LRRTM4: variants seen among roughly 807,000 people sequenced by gnomAD.
The protein encoded by LRRTM4 is leucine rich repeat transmembrane neuronal 4, also known as leucine-rich repeat transmembrane neuronal protein 4.
LRRTM4 carries 25 observed loss-of-function variants against 47.6 expected under a neutral mutation model. That is an observed-to-expected ratio of 0.53 (90% CI 0.38 to 0.73). The LOEUF is 0.73. LRRTM4 is among the 30% of genes least tolerant of loss of function. The probability of loss-of-function intolerance (pLI) is 0.00; values close to 1 mark genes in which losing one functional copy is unlikely to be tolerated. For synonymous variants in LRRTM4, 311 were observed against 269.5 expected, an observed-to-expected ratio of 1.15 and a Z score of -1.51; for missense variants, 638 against 713.4, an observed-to-expected ratio of 0.89 and a Z score of 1.20.
At chr2:77,369,733 T>A (rs1300025296) in intron 3 of LRRTM4, among the ~76,000 whole-genome samples, 1 of 151,782 alleles carries the variant, frequency 6.6e-6, no homozygotes, top group Admixed American at 6.6e-5. Context: ...TAGAGCCTAC[T>A]ACCCACCTAG....
In LRRTM4 at chr2:76,750,402, C is replaced by T. The variant is rs77408066; in HGVS notation, c.1552-1486G>A. On this transcript the variant is annotated intron_variant, in intron 3 of 3. Transcript: ENST00000409884. ...TGTAGGGGTGGTAGCTACTTCCTAA[C>T]ATTGCTGTTTCTGTGATACCACAGC... 6.8e-4 allele frequency among the ~76,000 whole-genome samples: 103 copies of T among 152,350 alleles called. No individual in the cohort carries two copies. In the East Asian group the frequency reaches 0.017, roughly 26 times the overall value.
At chr2:76,889,972 A>T (rs1350968266) in intron 3 of LRRTM4, among the ~76,000 whole-genome samples, 3 of 151,988 alleles carry the variant, frequency 2.0e-5, no homozygotes, top group Admixed American at 1.3e-4. Context: ...TTGTAGATGT[A>T]TGAGTGCAGT....
chr2:76,819,114 T>G (rs1415752866), intron 3 of LRRTM4, among the ~76,000 whole-genome samples: 4 of 151,692 alleles, frequency 2.6e-5, no homozygotes, highest in African/African-American at 9.7e-5. Context: ...TTGATTAAAA[T>G]AAAATAACTA....
rs775079691 is a variant in LRRTM4 at position 77,518,451 on chromosome 2, G to T, written c.1418C>A (p.Ser473Tyr). The T allele has an allele frequency of 1.9e-6, 3 of 1,613,308 alleles. No individual in the cohort carries two copies. Among genetic ancestry groups the T allele is most frequent in the Non-Finnish European group, 2.5e-6 (3 of 1,179,584 alleles). Residue 473 changes from serine to tyrosine, a missense_variant, in exon 3 of 4, where the codon TCT (serine) becomes TAT (tyrosine). Physicochemically the swap from Ser to Tyr is moderately radical, Grantham distance 144 (BLOSUM62 -2). Transcript: ENST00000409884. ...TAAAGGGGAATTCATTTGTCTTTCA[G>T]ACTCTCTGGCCTTTTTCCGCCGCCT... The part of the protein sequence containing the change: ...MKRRRKKARE[S>Y]ERQMNSPLQE...
At chr2:77,261,414 T>C (rs576871220) in intron 3 of LRRTM4, among the ~76,000 whole-genome samples, 16 of 152,216 alleles carry the variant, frequency 1.1e-4, no homozygotes, top group African/African-American at 3.6e-4. Context: ...CCATGATATC[T>C]TTTCTCATCC....
intron 3 of LRRTM4, among the ~76,000 whole-genome samples, chr2:77,319,128 T>C (rs2104220513): frequency 6.6e-6 from 1 of 152,276 alleles, no homozygotes; most frequent in African/African-American, 2.4e-5. Flanking sequence ...CTCATGCCTG[T>C]AAACCTGGCA....
At position 77,271,645 on chromosome 2, in the gene LRRTM4, G is replaced by T. The variant is rs537711828; in HGVS notation, c.1551+246673C>A. On this transcript the variant is annotated intron_variant, in intron 3 of 3. Transcript: ENST00000409884. ...CTACACCATATCATAGCTTCCTAAAGGGTCTTTCTGACTTCTGCTGTTCCC... is the reference window on the plus strand; with the variant it reads ...CTACACCATATCATAGCTTCCTAAATGGTCTTTCTGACTTCTGCTGTTCCC... Among the ~76,000 whole-genome samples the T allele has an allele frequency of 2.4e-4, 37 of 152,310 alleles. No individual in the cohort carries two copies. In the Middle Eastern group the frequency reaches 0.024, roughly 98 times the overall value.
intron 3 of LRRTM4, among the ~76,000 whole-genome samples, chr2:77,291,767 C>T (rs778887723): frequency 8.6e-5 from 13 of 151,932 alleles, no homozygotes; most frequent in Non-Finnish European, 1.9e-4. Flanking sequence ...AAAATTATGT[C>T]CCATTTGATT....
chr2:76,975,001 TTAGC>T (rs1676369766), intron 3 of LRRTM4, among the ~76,000 whole-genome samples: 1 of 151,752 alleles, frequency 6.6e-6, no homozygotes, highest in African/African-American at 2.4e-5. Context: ...TGGAGAGTGA[TTAGC>T]TATCTATAAA....
At chr2:77,161,585 T>C (rs1672729972) in intron 3 of LRRTM4, among the ~76,000 whole-genome samples, 1 of 152,076 alleles carries the variant, frequency 6.6e-6, no homozygotes, top group South Asian at 2.1e-4. Flanking sequence ...GTTCTAGGCA[T>C]TTTGTCTGTG....
At chr2:77,069,929 A>G (rs111918440) in intron 3 of LRRTM4, among the ~76,000 whole-genome samples, 2,096 of 152,288 alleles carry the variant, frequency 0.014, 53 homozygotes, top group African/African-American at 0.048. Context: ...ACTTGCCTGT[A>G]AAACATATTT....
intron 3 of LRRTM4, among the ~76,000 whole-genome samples, chr2:77,293,992 G>A (rs1464642191): frequency 6.6e-6 from 1 of 152,006 alleles, no homozygotes; most frequent in Non-Finnish European, 1.5e-5. Context: ...TTACTGCATC[G>A]TGGTCTAGAC....
intron 3 of LRRTM4, among the ~76,000 whole-genome samples, chr2:77,170,062 G>A (rs1053493465): frequency 1.3e-5 from 2 of 152,014 alleles, no homozygotes; most frequent in Admixed American, 1.3e-4. Context: ...AAGATGTTGG[G>A]GTCCTAATCT....
chr2:77,387,606 T>C (rs1365213274), intron 3 of LRRTM4, among the ~76,000 whole-genome samples: 2 of 152,154 alleles, frequency 1.3e-5, no homozygotes, highest in Non-Finnish European at 2.9e-5. Flanking sequence ...ACACAATTCA[T>C]GCTGCCTGCT....
intron 3 of LRRTM4, among the ~76,000 whole-genome samples, chr2:77,422,956 T>A (rs542776998): frequency 1.3e-5 from 2 of 152,096 alleles, no homozygotes; most frequent in Non-Finnish European, 2.9e-5. Flanking sequence ...AAAAAACATA[T>A]AATGAAATAG....
intron 3 of LRRTM4, among the ~76,000 whole-genome samples, chr2:76,782,015 C>T (rs1182293749): frequency 6.6e-6 from 1 of 152,148 alleles, no homozygotes; most frequent in Non-Finnish European, 1.5e-5. Context: ...ACATTAAATA[C>T]TCAGGCTTTA....
intron 3 of LRRTM4, among the ~76,000 whole-genome samples, chr2:76,786,155 C>A (rs963963678): frequency 3.9e-5 from 6 of 152,030 alleles, no homozygotes; most frequent in African/African-American, 1.4e-4. Flanking sequence ...AAAAGAAGTA[C>A]AAATTCTTTT....
At chr2:77,296,181 G>A (rs184210789) in intron 3 of LRRTM4, among the ~76,000 whole-genome samples, 29 of 152,172 alleles carry the variant, frequency 1.9e-4, no homozygotes, top group African/African-American at 6.3e-4. Context: ...TTGTAGATAC[G>A]ATAGAAATAT....
chr2:76,890,722 C>T (rs908434097), intron 3 of LRRTM4, among the ~76,000 whole-genome samples: 2 of 151,178 alleles, frequency 1.3e-5, no homozygotes, highest in Admixed American at 6.6e-5. Context: ...CAAAAAATAA[C>T]GAACATAACT....
Sources: gnomAD v4.1 joint callset for allele counts (sites outside exome capture counted in the v4.1 genomes callset) on GRCh38, gnomAD v4.1.1 for gene constraint, MANE v1.5 for transcripts, NCBI Gene and HGNC (gene_info 2026-07-23, HGNC 2026-07-21) for gene names.